The following POU6F2 variants were observed in gnomAD, a reference collection of about 807,000 sequenced individuals.
The protein encoded by POU6F2 is POU class 6 homeobox 2, also known as POU domain, class 6, transcription factor 2.
POU6F2 carries 31 observed loss-of-function variants against 71.3 expected under a neutral mutation model. The observed-to-expected ratio is 0.43, with a 90% CI of 0.33 to 0.59. The LOEUF is 0.59. Among genes scored for constraint, POU6F2 ranks in the 20% least tolerant of loss-of-function variants. POU6F2 has a pLI of 0.04. For missense variants in POU6F2, 783 were observed against 856.8 expected, an observed-to-expected ratio of 0.91 and a Z score of 1.07; for synonymous variants, 347 against 355.7, an observed-to-expected ratio of 0.98 and a Z score of 0.27.
chr7:39,353,474 T>C (rs1259064478), intron 5 of POU6F2, among the ~76,000 whole-genome samples: 2 of 152,248 alleles, frequency 1.3e-5, no homozygotes, highest in Non-Finnish European at 2.9e-5. Flanking sequence ...TTGCGTTTGC[T>C]TAATATATAC....
At chr7:39,212,802 G>A (rs1251509595) in intron 4 of POU6F2, among the ~76,000 whole-genome samples, 1 of 152,210 alleles carries the variant, frequency 6.6e-6, no homozygotes, top group African/African-American at 2.4e-5. Context: ...TACTAAAGAT[G>A]TGCAGTCCTA....
In POU6F2 at chr7:39,349,754, A is replaced by G. The variant is rs550000035; in HGVS notation, c.972+9739A>G. ...CTGTTTTTAAAAATAGACTCTCAGA[A>G]TCACTGGTGTTTTCTTTCTCTTTTG... is the stretch of plus-strand genomic sequence containing the variant. On this transcript the variant is annotated intron_variant, in intron 5 of 9. Transcript: ENST00000518318. Among the ~76,000 whole-genome samples, 4 of 152,340 alleles carry G rather than the reference A, an allele frequency of 2.6e-5. No individual in the cohort carries two copies. In the South Asian group the frequency reaches 8.3e-4, roughly 32 times the overall value.
chr7:39,130,149 T>TAG (rs1221552570), intron 2 of POU6F2, among the ~76,000 whole-genome samples: 126 of 11,150 alleles, frequency 0.011, no homozygotes, highest in African/African-American at 0.041. Flanking sequence ...AAGGGGTAGG[T>TAG]GTGTGTGTGT....
At chr7:38,978,716 T>C (rs1788240783) in intron 1 of POU6F2, among the ~76,000 whole-genome samples, 1 of 152,136 alleles carries the variant, frequency 6.6e-6, no homozygotes, top group Admixed American at 6.5e-5. Context: ...AACAGCTCCA[T>C]TTAGTGCCTC....
At chr7:39,291,436 T>TGG (rs1784753978) in intron 4 of POU6F2, among the ~76,000 whole-genome samples, 1 of 152,232 alleles carries the variant, frequency 6.6e-6, no homozygotes, top group Non-Finnish European at 1.5e-5. Context: ...TTACATCTCA[T>TGG]CTTGTTTTGC....
At chr7:39,199,002 G>T (rs1046568779) in intron 2 of POU6F2, among the ~76,000 whole-genome samples, 2 of 152,188 alleles carry the variant, frequency 1.3e-5, no homozygotes, top group African/African-American at 2.4e-5. Flanking sequence ...GCAAACAGTC[G>T]GTGAGAAAGG....
chr7:39,088,592 C>A (rs1195646592), intron 2 of POU6F2, among the ~76,000 whole-genome samples: 1 of 152,108 alleles, frequency 6.6e-6, no homozygotes, highest in East Asian at 1.9e-4. Flanking sequence ...TTCTAACATA[C>A]TTTCTTTCTC....
chr7:39,298,306 AC>A (rs1784889526), intron 4 of POU6F2, among the ~76,000 whole-genome samples: 1 of 152,228 alleles, frequency 6.6e-6, no homozygotes, highest in East Asian at 1.9e-4. Flanking sequence ...AAGAACTTAA[AC>A]AAATTTACAA....
At chr7:39,283,162 G>A (rs1784590906) in intron 4 of POU6F2, among the ~76,000 whole-genome samples, 1 of 152,012 alleles carries the variant, frequency 6.6e-6, no homozygotes, top group Non-Finnish European at 1.5e-5. Flanking sequence ...TCATTTATTA[G>A]TTTTAAAGGA....
chr7:39,050,360 A>G (rs1226921289), intron 1 of POU6F2, among the ~76,000 whole-genome samples: 1 of 152,078 alleles, frequency 6.6e-6, no homozygotes, highest in Non-Finnish European at 1.5e-5. Flanking sequence ...GAAAAAGTTT[A>G]TAGTTCAGAC....
At chr7:39,243,076 A>G (rs1783755404) in intron 4 of POU6F2, among the ~76,000 whole-genome samples, 1 of 152,192 alleles carries the variant, frequency 6.6e-6, no homozygotes, top group Non-Finnish European at 1.5e-5. Context: ...AAGCATACCT[A>G]TTTCATAGTT....
At chr7:39,354,068 C>T (rs1326849225) in intron 5 of POU6F2, among the ~76,000 whole-genome samples, 1 of 152,192 alleles carries the variant, frequency 6.6e-6, no homozygotes, top group African/African-American at 2.4e-5. Flanking sequence ...ATTCATTTTT[C>T]CTGGCTTGCT....
intron 4 of POU6F2, among the ~76,000 whole-genome samples, chr7:39,331,564 G>C (rs944698170): frequency 2.6e-5 from 4 of 152,150 alleles, no homozygotes; most frequent in African/African-American, 9.7e-5. Flanking sequence ...CTGGAGTGCA[G>C]TGGTGCGATC....
intron 2 of POU6F2, among the ~76,000 whole-genome samples, chr7:39,160,385 A>G (rs1053163452): frequency 3.9e-5 from 6 of 152,066 alleles, no homozygotes; most frequent in African/African-American, 1.2e-4. Context: ...CGTCCCACAG[A>G]CACTCTTCTG....
chr7:39,271,455 T>C (rs1359555596), intron 4 of POU6F2, among the ~76,000 whole-genome samples: 1 of 150,556 alleles, frequency 6.6e-6, no homozygotes, highest in East Asian at 1.9e-4. Context: ...TGTTTTGTTT[T>C]ACAAAGGAAA....
chr7:39,246,083 T>C (rs1213815202), intron 4 of POU6F2, among the ~76,000 whole-genome samples: 1 of 152,188 alleles, frequency 6.6e-6, no homozygotes, highest in East Asian at 1.9e-4. Context: ...AAGTTGAAAG[T>C]GAACCCAAGG....
At position 39,059,819 on chromosome 7, in the gene POU6F2, A is replaced by G. The variant is rs144695115; in HGVS notation, c.106-26041A>G. 6.9e-3 allele frequency among the ~76,000 whole-genome samples: 1,059 copies of G among 152,382 alleles called. 46 individuals are homozygous for G. The highest frequency in any genetic ancestry group is 0.064 in the Admixed American group (981 of 15,306). On this transcript the variant is annotated intron_variant, in intron 1 of 9. Coordinates refer to ENST00000518318, the MANE Select transcript of POU6F2 (RefSeq NM_001370959.1). ...TGAACAGATAAAGAAAATGCGATAT[A>G]GTCATACAATGAAATATTATTTAGT...
intron 4 of POU6F2, among the ~76,000 whole-genome samples, chr7:39,301,351 TC>T (rs1784945029): frequency 6.6e-6 from 1 of 152,208 alleles, no homozygotes; most frequent in South Asian, 2.1e-4. Flanking sequence ...CAGCCTTTCC[TC>T]CAGGCACTGT....
chr7:39,247,828 C>A (rs1442710911), intron 4 of POU6F2, among the ~76,000 whole-genome samples: 2 of 152,176 alleles, frequency 1.3e-5, no homozygotes, highest in Admixed American at 1.3e-4. Context: ...ACACAGTATT[C>A]CAGGGCAGCT....
Sources: gnomAD v4.1 joint callset for allele counts (sites outside exome capture counted in the v4.1 genomes callset) on GRCh38, gnomAD v4.1.1 for gene constraint, MANE v1.5 for transcripts, NCBI Gene and HGNC (gene_info 2026-07-23, HGNC 2026-07-21) for gene names.